SLC17A5: variants seen among roughly 807,000 people sequenced by gnomAD.
SLC17A5 encodes the protein solute carrier family 17 member 5, also known as sialin.
In SLC17A5, 47 loss-of-function variants were observed where a neutral mutation model predicts 59.4. That is an observed-to-expected ratio of 0.79 (90% CI 0.63 to 1.01). SLC17A5 has a LOEUF of 1.01. Among genes scored for constraint, SLC17A5 ranks in the 50% least tolerant of loss-of-function variants. The probability of loss-of-function intolerance (pLI) is 0.00; values close to 1 mark genes in which losing one functional copy is unlikely to be tolerated. For missense variants in SLC17A5, 522 were observed against 595.5 expected, an observed-to-expected ratio of 0.88 and a Z score of 1.28; for synonymous variants, 202 against 210.7, an observed-to-expected ratio of 0.96 and a Z score of 0.36.
rs760346305 is a variant in SLC17A5, at chr6:73,641,748, A to G, written c.468T>C (p.Ala156=). The G allele has an allele frequency of 7.4e-6, 12 of 1,614,078 alleles. No homozygotes were observed. Among genetic ancestry groups the G allele is most frequent in the South Asian group, 1.1e-5 (1 of 91,090 alleles). Reference sequence around the variant, plus strand: ...TGAGTGGTCCAACTCCTAAATCTGCAGCAATGGGAGTGAACAGGGTGAGGA... The same window carrying G: ...TGAGTGGTCCAACTCCTAAATCTGCGGCAATGGGAGTGAACAGGGTGAGGA... ...TAVLTLFTPI[A]ADLGVGPLIV... is the part of the protein sequence containing the mutation. Residue 156 remains alanine, a synonymous_variant, in exon 3 of 11, where the codon GCT becomes GCC. Coordinates refer to ENST00000355773, the MANE Select transcript of SLC17A5 (RefSeq NM_012434.5).
At chr6:73,638,303 A>C in intron 4 of SLC17A5, 109 bp downstream of exon 4, 2 of 797,340 alleles carry the variant, frequency 2.5e-6, no homozygotes, top group Non-Finnish European at 4.3e-6. Flanking sequence ...TGTTCTCCCC[A>C]AAGGGGCATC....
chr6:73,630,974 A>G (rs1768677893), intron 6 of SLC17A5, among the ~76,000 whole-genome samples: 1 of 150,214 alleles, frequency 6.7e-6, no homozygotes, highest in African/African-American at 2.5e-5. Context: ...TGAAACTGGG[A>G]GGCGGATGTT....
At chr6:73,648,224 G>C (rs367850544) in intron 1 of SLC17A5, among the ~76,000 whole-genome samples, 12 of 152,284 alleles carry the variant, frequency 7.9e-5, no homozygotes, top group South Asian at 2.1e-4. Context: ...AGAAGGTATA[G>C]CAGTAAAGAA....
At position 73,641,695 on chromosome 6, in the gene SLC17A5, C is replaced by T. The variant is rs549056811; in HGVS notation, c.521G>A (p.Gly174Glu). 1.9e-6 allele frequency: 3 copies of T among 1,607,916 alleles called. No homozygotes were observed. Among genetic ancestry groups the T allele is most frequent in the African/African-American group, 1.3e-5 (1 of 74,906 alleles). Residue 174 changes from glycine (G) to glutamate (E), a missense_variant, in exon 3 of 11, where the codon GGA becomes GAA. Gly to Glu is a moderately conservative substitution (Grantham distance 98). Around this residue, in one of 3 missense-constraint regions of SLC17A5, gnomAD observed 338 missense variants for 363.8 expected, o/e 0.93. Coordinates refer to ENST00000355773, the MANE Select transcript of SLC17A5 (RefSeq NM_012434.5). ...LIVLRALEGL[G>E]EGVTFPAMHA... is the part of the protein sequence containing the mutation. ...CAAGAGAGAAAAGAAAATTACCTCT[C>T]CTAGTCCTTCTAGTGCTCTGAGTAC...
intron 9 of SLC17A5, among the ~76,000 whole-genome samples, chr6:73,601,309 G>A (rs1323921534): frequency 2.1e-5 from 3 of 141,154 alleles, no homozygotes; most frequent in African/African-American, 5.4e-5. Context: ...CCGCCCGGCA[G>A]CCGCCCCGTC....
intron 10 of SLC17A5, among the ~76,000 whole-genome samples, chr6:73,596,097 C>A (rs556785226): frequency 6.6e-6 from 1 of 151,974 alleles, no homozygotes; most frequent in East Asian, 1.9e-4. Flanking sequence ...TGAGCCACCA[C>A]GCCTGGCCTG....
At chr6:73,615,866 C>A (rs1767830318) in intron 7 of SLC17A5, among the ~76,000 whole-genome samples, 1 of 146,044 alleles carries the variant, frequency 6.8e-6, no homozygotes, top group Non-Finnish European at 1.5e-5. Context: ...ATAAACATAG[C>A]TTAATGAATC....
chr6:73,615,530 C>G (rs1312935057), intron 7 of SLC17A5, 83 bp from the exon 8 acceptor site: 1 of 1,371,062 alleles, frequency 7.3e-7, no homozygotes, highest in Non-Finnish European at 1.0e-6. Context: ...CAATGACCAC[C>G]ACTTGAAAGC....
Position 73,595,168 on chromosome 6 carries a change from A to C in SLC17A5, c.1397T>G (p.Ile466Ser). 6.2e-7 allele frequency: 1 copy of C among 1,614,192 alleles called. No homozygotes were observed. The highest frequency in any genetic ancestry group is 1.7e-4 in the Middle Eastern group (1 of 6,060). The stretch of plus-strand genomic sequence containing the variant: ...AAAGAAAATGGCACCAAAAACATTA[A>C]TAGCAGCAGCAATATAGAACACGGT... ...WQTVFYIAAA[I>S]NVFGAIFFTL... Residue 466 changes from isoleucine (I) to serine (S), a missense_variant, in exon 11 of 11, where the codon ATT (isoleucine) becomes AGT (serine). Ile to Ser is a moderately radical substitution (Grantham distance 142). Transcript: ENST00000355773.
At chr6:73,630,684 A>G (rs1768659373) in intron 6 of SLC17A5, among the ~76,000 whole-genome samples, 1 of 152,048 alleles carries the variant, frequency 6.6e-6, no homozygotes, top group African/African-American at 2.4e-5. Context: ...CCCAACAGCC[A>G]CATTTCCTAG....
Position 73,644,548 on chromosome 6 carries a change from G to A in SLC17A5, c.150C>T (p.Phe50=). 3.1e-6 allele frequency: 5 copies of A among 1,614,034 alleles called. No individual in the cohort carries two copies. The highest frequency in any genetic ancestry group is 4.2e-6 in the Non-Finnish European group (5 of 1,179,972). ...YNLAILAFFG[F]FIVYALRVNL... ...TCACACGTAATGCATACACAATGAAGAAACCAAAAAAGGCCAAAATTGCTA... is the reference window on the plus strand; with the variant it reads ...TCACACGTAATGCATACACAATGAAAAAACCAAAAAAGGCCAAAATTGCTA... The change falls in exon 2 of 11, where the codon TTC becomes TTT. Residue 50 remains phenylalanine, a synonymous_variant. Transcript: ENST00000355773.
At chr6:73,595,830 A>C (rs927625537) in intron 10 of SLC17A5, among the ~76,000 whole-genome samples, 6 of 151,808 alleles carry the variant, frequency 4.0e-5, no homozygotes, top group African/African-American at 1.5e-4. Flanking sequence ...CTCCCAACTC[A>C]GCCTTCCAAG....
chr6:73,636,924 T>A (rs1769031036), intron 4 of SLC17A5, among the ~76,000 whole-genome samples: 1 of 151,912 alleles, frequency 6.6e-6, no homozygotes, highest in South Asian at 2.1e-4. Context: ...GTACTAAAAA[T>A]ACAAAAATTA....
At chr6:73,651,405 G>C (rs1769855204) in intron 1 of SLC17A5, among the ~76,000 whole-genome samples, 1 of 127,330 alleles carries the variant, frequency 7.9e-6, no homozygotes, top group African/African-American at 3.1e-5. Context: ...AGGCTGCAGT[G>C]AGCCGAGATC....
At chr6:73,619,100 T>C (rs1768014025) in intron 7 of SLC17A5, among the ~76,000 whole-genome samples, 1 of 151,950 alleles carries the variant, frequency 6.6e-6, no homozygotes, top group Non-Finnish European at 1.5e-5. Flanking sequence ...AGGAAAGAGA[T>C]GGGGTAGTGG....
intron 6 of SLC17A5, among the ~76,000 whole-genome samples, chr6:73,628,442 G>A (rs923922022): frequency 2.0e-5 from 3 of 151,978 alleles, no homozygotes; most frequent in African/African-American, 7.2e-5. Flanking sequence ...ATGGTGATGC[G>A]TGCATGTAAT....
intron 7 of SLC17A5, among the ~76,000 whole-genome samples, chr6:73,616,161 G>A (rs1444578775): frequency 6.6e-6 from 1 of 152,040 alleles, no homozygotes; most frequent in East Asian, 1.9e-4. Context: ...TGGGATTACA[G>A]GCATGAGCCA....
rs751685873 is a variant in SLC17A5, at chr6:73,628,618, T to G, written c.820-6656A>C. 2.7e-5 allele frequency among the ~76,000 whole-genome samples: 3 copies of G among 109,504 alleles called. No individual in the cohort carries two copies. In the East Asian group the frequency reaches 8.9e-4, roughly 33 times the overall value. The allele number at this position is 109,504 out of a possible 152,430, so 71.8% of individuals were successfully genotyped here. On this transcript the variant is annotated intron_variant, in intron 6 of 10. Coordinates refer to ENST00000355773, the MANE Select transcript of SLC17A5 (RefSeq NM_012434.5). ...GGAAAATACATACAGGCAAAAAAAT[T>G]TAAAATTGCTCAGATCATTTGCTCA...
rs1225019041 is a variant in SLC17A5, at chr6:73,653,799, CG to C, written c.87del (p.Glu30LysfsTer13). 2 of 1,589,736 alleles carry C rather than the reference CG, an allele frequency of 1.3e-6. No individual in the cohort carries two copies. The highest frequency in any genetic ancestry group is 1.7e-6 in the Non-Finnish European group (2 of 1,169,596). On this transcript the variant is annotated frameshift_variant, in exon 1 of 11. Coordinates refer to ENST00000355773, the MANE Select transcript of SLC17A5 (RefSeq NM_012434.5). LOFTEE classifies it high-confidence loss of function. ...GGACGACCCCGCCGCTTACCGGCTTCGGCCCGTGGGGCGCCCGGTAGAAGAG... is the reference window on the plus strand; with the variant it reads ...GGACGACCCCGCCGCTTACCGGCTTCGCCCGTGGGGCGCCCGGTAGAAGAG... The part of the protein sequence containing the change: ...RTPLLPGAPR[A>X]EAAPVCCSAR...
Sources: allele counts gnomAD v4.1 joint callset (sites outside exome capture counted in the v4.1 genomes callset), GRCh38; gene constraint gnomAD v4.1.1; regional missense constraint gnomAD v4.1.1; transcripts MANE v1.5; gene names NCBI Gene and HGNC (gene_info 2026-07-23, HGNC 2026-07-21).